Variants in ZNF831 observed in about 807,000 individuals in gnomAD.
ZNF831 encodes chromosome 20 open reading frame 174.
Under a neutral mutation model 95.8 loss-of-function variants are expected in ZNF831, and 59 were observed. The ratio of observed to expected loss-of-function variants is 0.62; its 90% CI spans 0.50 to 0.77. The LOEUF (loss-of-function observed/expected upper bound fraction) is 0.77. Ranked by LOEUF, ZNF831 falls within the 30% of genes least tolerant of loss-of-function variation. ZNF831 has a pLI of 0.00. For synonymous variants in ZNF831, 961 were observed against 925.5 expected, an observed-to-expected ratio of 1.04 and a Z score of -0.70; for missense variants, 2,205 against 2,164.0, an observed-to-expected ratio of 1.02 and a Z score of -0.38.
intron 4 of ZNF831, among the ~76,000 whole-genome samples, chr20:59,249,148 T>C (rs1313448879): frequency 3.3e-5 from 5 of 152,246 alleles, no homozygotes; most frequent in Admixed American, 3.3e-4. Flanking sequence ...TGTGGACTTG[T>C]TCTTTCTCAC....
chr20:59,211,051 A>G (rs1985287802), intron 4 of ZNF831, among the ~76,000 whole-genome samples: 1 of 149,826 alleles, frequency 6.7e-6, no homozygotes, highest in African/African-American at 2.5e-5. Context: ...AAAAAAAAGA[A>G]AAAAAAAAAA....
At chr20:59,151,145 G>A (rs886771788) in intron 2 of ZNF831, among the ~76,000 whole-genome samples, 1 of 152,196 alleles carries the variant, frequency 6.6e-6, no homozygotes, top group African/African-American at 2.4e-5. Flanking sequence ...TACTTTCCTG[G>A]TGTGGATGAA....
chr20:59,251,390 A>C (rs952187883), intron 4 of ZNF831, among the ~76,000 whole-genome samples: 3 of 152,230 alleles, frequency 2.0e-5, no homozygotes, highest in African/African-American at 7.2e-5. Context: ...AGACTTTTCA[A>C]CAACTGGAAC....
chr20:59,180,629 G>A (rs1982544714), intron 1 of ZNF831, among the ~76,000 whole-genome samples: 1 of 152,088 alleles, frequency 6.6e-6, no homozygotes, highest in Non-Finnish European at 1.5e-5. Context: ...GCAGTGTTTG[G>A]TTTTCTGTTC....
At chr20:59,213,665 A>G (rs1286347043) in intron 4 of ZNF831, among the ~76,000 whole-genome samples, 1 of 152,202 alleles carries the variant, frequency 6.6e-6, no homozygotes, top group African/African-American at 2.4e-5. Flanking sequence ...ATCTTTGAGC[A>G]TGAACAAGAG....
chr20:59,197,590 GC>G (rs1375598543), intron 3 of ZNF831, among the ~76,000 whole-genome samples: 1 of 152,180 alleles, frequency 6.6e-6, no homozygotes, highest in African/African-American at 2.4e-5. Flanking sequence ...TGCTGGCGTG[GC>G]CCCCAGAGCA....
chr20:59,226,244 C>T (rs7263403), intron 4 of ZNF831, among the ~76,000 whole-genome samples: 2,455 of 152,258 alleles, frequency 0.016, 63 homozygotes, highest in African/African-American at 0.055. Flanking sequence ...GCACAGATGT[C>T]GATCACAACC....
rs747482950 is a variant in ZNF831 at position 59,193,934 on chromosome 20, G to A, written c.2915G>A (p.Trp972Ter). 3.8e-6 allele frequency: 6 copies of A among 1,590,332 alleles called. No homozygotes were observed. Among genetic ancestry groups the A allele is most frequent in the Non-Finnish European group, 5.1e-6 (6 of 1,168,374 alleles). ...CAGGACTCTCTCTGCAGCAGTGGGT[G>A]GCCTGAAGAACGGGCATCATTTGTT... ...HSQDSLCSSG[W>*]PEERASFVGS... Residue 972 changes from tryptophan (W) to a stop codon, truncating the protein, a stop_gained, in exon 2 of 6, where the codon TGG becomes TAG. Coordinates refer to ENST00000371030, the MANE Select transcript of ZNF831 (RefSeq NM_178457.3). LOFTEE classifies it high-confidence loss of function.
intron 4 of ZNF831, among the ~76,000 whole-genome samples, chr20:59,220,933 C>G (rs1369416850): frequency 1.3e-5 from 2 of 152,142 alleles, no homozygotes; most frequent in African/African-American, 4.8e-5. Context: ...TGTCTCAGGT[C>G]CTCATCTGTA....
chr20:59,191,738 GCGCCTCGGAGAGA>G lies in ZNF831; in HGVS notation c.721_733del (p.Ala241ProfsTer17). 4 of 1,592,110 alleles carry G rather than the reference GCGCCTCGGAGAGA, an allele frequency of 2.5e-6. No homozygotes were observed. Among genetic ancestry groups the G allele is most frequent in the Non-Finnish European group, 3.4e-6 (4 of 1,168,006 alleles). On this transcript the variant is annotated frameshift_variant, in exon 2 of 6. Transcript: ENST00000371030. LOFTEE classifies it high-confidence loss of function. ...AGCAGGTGCCAGGGGATGCACGAAG[GCGCCTCGGAGAGA>G]CCCCTTTCTCCGGGTGCCCACGTGC...
chr20:59,244,811 G>GTGGCATACAATCCCC (rs1987512556), intron 4 of ZNF831, among the ~76,000 whole-genome samples: 1 of 152,134 alleles, frequency 6.6e-6, no homozygotes. Context: ...TGTTTTAATA[G>GTGGCATACAATCCCC]TGGCATACAA....
chr20:59,194,526 C>A lies in ZNF831; in HGVS notation c.3507C>A (p.Ser1169Arg). 1 of 1,607,024 alleles carries A rather than the reference C, an allele frequency of 6.2e-7. No homozygotes were observed. The highest frequency in any genetic ancestry group is 8.5e-7 in the Non-Finnish European group (1 of 1,176,552). Reference sequence around the variant, plus strand: ...GCCACAGCACCCGCAGTCCCCACAGCACCCAAAACCCCTTTCCCTCACTGA... The same window carrying A: ...GCCACAGCACCCGCAGTCCCCACAGAACCCAAAACCCCTTTCCCTCACTGA... ...SRSHSTRSPH[S>R]TQNPFPSLKA... is the part of the protein sequence containing the mutation. Residue 1169 changes from serine (S) to arginine (R), a missense_variant, in exon 2 of 6, where the codon AGC (serine) becomes AGA (arginine). Ser to Arg is a moderately radical substitution (Grantham distance 110, BLOSUM62 -1). Transcript: ENST00000371030.
chr20:59,238,144 T>TCTGG (rs890151099), intron 4 of ZNF831, among the ~76,000 whole-genome samples: 1 of 152,174 alleles, frequency 6.6e-6, no homozygotes, highest in Non-Finnish European at 1.5e-5. Flanking sequence ...CATATTCCTC[T>TCTGG]CTGGGGGACT....
At chr20:59,146,160 C>G (rs1281464609) in intron 1 of ZNF831, 1 of 152,040 alleles carries the variant, frequency 6.6e-6, no homozygotes, top group Non-Finnish European at 1.5e-5. Context: ...CCTCTGCCAC[C>G]CCCGCCGCCC....
chr20:59,253,868 A>T (rs259957), intron 5 of ZNF831, 30 bp from the exon 6 acceptor site: 14 of 954,374 alleles, frequency 1.5e-5, no homozygotes, highest in South Asian at 2.0e-5. Flanking sequence ...CTCCCCCCCC[A>T]CTTTTTTTTT....
At chr20:59,180,094 T>C (rs908693038) in intron 1 of ZNF831, among the ~76,000 whole-genome samples, 1 of 152,144 alleles carries the variant, frequency 6.6e-6, no homozygotes, top group Non-Finnish European at 1.5e-5. Flanking sequence ...GATCATTTTA[T>C]TTTATTTTAT....
chr20:59,224,611 G>A (rs1986317287), intron 4 of ZNF831, among the ~76,000 whole-genome samples: 1 of 152,228 alleles, frequency 6.6e-6, no homozygotes, highest in Non-Finnish European at 1.5e-5. Flanking sequence ...ATTAGACATT[G>A]TTTCTTGAGA....
At chr20:59,197,207 C>T (rs921389127) in intron 3 of ZNF831, among the ~76,000 whole-genome samples, 5 of 152,174 alleles carry the variant, frequency 3.3e-5, no homozygotes, top group Non-Finnish European at 5.9e-5. Context: ...CCCCCTCCTG[C>T]CCTGCCTCTA....
Position 59,253,152 on chromosome 20 carries a change from T to A in ZNF831, c.4188+14T>A, listed in dbSNP as rs1195221890. On this transcript the variant is annotated intron_variant, in intron 5 of 5. Transcript: ENST00000371030. ...CGAACTGTGAAGGTGGGCATGATGA[T>A]TTTGAGCTGCCTCTACCTATTCCTG... is the stretch of plus-strand genomic sequence containing the variant. 6.2e-7 allele frequency: 1 copy of A among 1,613,634 alleles called. No individual in the cohort carries two copies. The highest frequency in any genetic ancestry group is 1.7e-5 in the Admixed American group (1 of 60,006).
Sources: allele counts gnomAD v4.1 joint callset (sites outside exome capture counted in the v4.1 genomes callset), GRCh38; gene constraint gnomAD v4.1.1; transcripts MANE v1.5; gene names NCBI Gene and HGNC (gene_info 2026-07-23, HGNC 2026-07-21).